The following COP1 variants were observed in gnomAD, a reference collection of about 807,000 sequenced individuals.
COP1 encodes the protein COP1 E3 ubiquitin ligase.
COP1 carries 24 observed loss-of-function variants against 101.3 expected under a neutral mutation model. That is an observed-to-expected ratio of 0.24 (90% confidence interval 0.17 to 0.33). The LOEUF (loss-of-function observed/expected upper bound fraction) is 0.33, where lower values mean the gene tolerates loss of function less well. Ranked by LOEUF, COP1 falls within the 10% of genes least tolerant of loss-of-function variation. The pLI, the probability that COP1 is intolerant of heterozygous loss-of-function variation, is 1.00. For synonymous variants in COP1, 347 were observed against 341.9 expected (o/e 1.01, Z -0.17); for missense variants, 663 against 906.2 (o/e 0.73, Z 3.45).
chr1:175,982,617 G>A (rs999478187), intron 18 of COP1, among the ~76,000 whole-genome samples: 3 of 152,154 alleles, frequency 2.0e-5, no homozygotes, highest in Non-Finnish European at 4.4e-5. Context: ...TAGTAGTTAA[G>A]CTTTTGAGTC....
chr1:176,005,704 G>A (rs372536306), intron 15 of COP1, among the ~76,000 whole-genome samples: 4 of 151,898 alleles, frequency 2.6e-5, no homozygotes, highest in Admixed American at 2.0e-4. Context: ...TGATTGCACT[G>A]TGGTATGAGA....
At chr1:176,094,511 A>G (rs939117027) in intron 9 of COP1, among the ~76,000 whole-genome samples, 11 of 152,112 alleles carry the variant, frequency 7.2e-5, no homozygotes, top group Admixed American at 6.5e-4. Flanking sequence ...ACCTAGAGGT[A>G]GATATAAATA....
At chr1:176,041,973 A>G (rs1670630020) in intron 14 of COP1, among the ~76,000 whole-genome samples, 2 of 152,230 alleles carry the variant, frequency 1.3e-5, no homozygotes, top group South Asian at 4.1e-4. Context: ...TTAGCCGGAC[A>G]TGGTGGCACG....
chr1:176,175,334 TCTACATCAGCA>T (rs1696772567), intron 3 of COP1, among the ~76,000 whole-genome samples: 7 of 152,212 alleles, frequency 4.6e-5, no homozygotes, highest in Admixed American at 4.6e-4. Flanking sequence ...CAGTCTGTCA[TCTACATCAGCA>T]GTCCCCAACC....
At chr1:176,182,378 T>C (rs1373603446) in intron 2 of COP1, among the ~76,000 whole-genome samples, 2 of 152,208 alleles carry the variant, frequency 1.3e-5, no homozygotes, top group Admixed American at 1.3e-4. Context: ...CTTGTTCTTT[T>C]AGCGCTAGAT....
intron 14 of COP1, among the ~76,000 whole-genome samples, chr1:176,033,552 A>T (rs992541907): frequency 5.3e-5 from 8 of 152,212 alleles, no homozygotes; most frequent in African/African-American, 1.9e-4. Flanking sequence ...GAATGTGTTT[A>T]ATTCAAAGGC....
At chr1:176,019,149 G>A (rs1381356302) in intron 15 of COP1, among the ~76,000 whole-genome samples, 7 of 151,106 alleles carry the variant, frequency 4.6e-5, no homozygotes, top group Non-Finnish European at 1.5e-5. Context: ...TTGGGCAACA[G>A]AGCGAGAATA....
chr1:176,108,518 T>G (rs1446599688), intron 9 of COP1, among the ~76,000 whole-genome samples: 3 of 152,116 alleles, frequency 2.0e-5, no homozygotes, highest in Non-Finnish European at 4.4e-5. Flanking sequence ...CCAAATTATC[T>G]TCCTGGACGA....
At chr1:176,093,590 A>G (rs1346320798) in intron 9 of COP1, among the ~76,000 whole-genome samples, 1 of 152,190 alleles carries the variant, frequency 6.6e-6, no homozygotes, top group Non-Finnish European at 1.5e-5. Flanking sequence ...CTGTAATCCC[A>G]GCACTTTGGG....
intron 18 of COP1, among the ~76,000 whole-genome samples, chr1:175,956,674 T>C (rs1571243810): frequency 1.3e-5 from 2 of 152,222 alleles, no homozygotes; most frequent in African/African-American, 4.8e-5. Context: ...CACTGCACAA[T>C]GACATTTTGG....
intron 15 of COP1, among the ~76,000 whole-genome samples, chr1:176,019,152 C>A (rs192158562): frequency 1.3e-5 from 2 of 150,474 alleles, no homozygotes; most frequent in Non-Finnish European, 3.0e-5. Context: ...GGCAACAGAG[C>A]GAGAATAGAC....
rs1237666737 is a variant in COP1 at position 176,202,187 on chromosome 1, T to C, written c.407+4385A>G. 1.5e-4 allele frequency among the ~76,000 whole-genome samples: 3 copies of C among 20,452 alleles called. No individual in the cohort carries two copies. The East Asian group carries it at 9.0e-3, about 62-fold the overall frequency. The allele number at this position is 20,452 out of a possible 152,430, so 13.4% of individuals were successfully genotyped here. On this transcript the variant is annotated intron_variant, in intron 1 of 19. Transcript: ENST00000367669. Reference sequence around the variant, plus strand: ...ATTCTATGATACGTTCTAGTTCACTTTTTTTTTTTTTTTTTTTTTGGAGAC... The same window carrying C: ...ATTCTATGATACGTTCTAGTTCACTCTTTTTTTTTTTTTTTTTTTGGAGAC...
At chr1:175,969,600 C>T (rs1331610658) in intron 18 of COP1, among the ~76,000 whole-genome samples, 5 of 152,170 alleles carry the variant, frequency 3.3e-5, no homozygotes, top group African/African-American at 1.2e-4. Flanking sequence ...CTTCATCAAA[C>T]CTAAGCATAA....
intron 15 of COP1, among the ~76,000 whole-genome samples, chr1:176,012,147 G>T (rs1664797333): frequency 6.6e-6 from 1 of 152,214 alleles, no homozygotes. Flanking sequence ...CTGTGCCTAT[G>T]AATAGCCACT....
Position 176,089,738 on chromosome 1 carries a change from C to T in COP1, c.1027-3848G>A, listed in dbSNP as rs187556378. ...GGAGACTGCAGTCATGCCCTACAAA[C>T]GATAAAATCTCATCAGATGGGTTTT... is the stretch of plus-strand genomic sequence containing the variant. On this transcript the variant is annotated intron_variant, in intron 9 of 19. Transcript: ENST00000367669. Among the ~76,000 whole-genome samples, 10 of 152,250 alleles carry T rather than the reference C, an allele frequency of 6.6e-5. No individual in the cohort carries two copies. The South Asian group carries it at 8.3e-4, about 13-fold the overall frequency.
At chr1:176,079,722 C>G (rs1164405085) in intron 11 of COP1, among the ~76,000 whole-genome samples, 1 of 151,338 alleles carries the variant, frequency 6.6e-6, no homozygotes, top group Non-Finnish European at 1.5e-5. Context: ...AATACTTAAG[C>G]AAAAAATAAT....
At chr1:175,972,655 G>A (rs982781785) in intron 18 of COP1, among the ~76,000 whole-genome samples, 2 of 151,484 alleles carry the variant, frequency 1.3e-5, no homozygotes, top group African/African-American at 2.4e-5. Flanking sequence ...TAGTAGAGAC[G>A]GGGTTTCACC....
intron 18 of COP1, among the ~76,000 whole-genome samples, chr1:175,972,434 G>C (rs1490069946): frequency 6.6e-6 from 1 of 151,350 alleles, no homozygotes; most frequent in Non-Finnish European, 1.5e-5. Flanking sequence ...CTGAGGCCCA[G>C]AGAGCAGCAA....
At chr1:176,049,178 C>CAAAAAAAAAA (rs61267982) in intron 11 of COP1, among the ~76,000 whole-genome samples, 1,320 of 118,094 alleles carry the variant, frequency 0.011, 20 homozygotes, top group Non-Finnish European at 0.018. Context: ...GACTCCGTCT[C>CAAAAAAAAAA]AAAAAAAAAA....
Sources: allele counts gnomAD v4.1 joint callset (sites outside exome capture counted in the v4.1 genomes callset), GRCh38; gene constraint gnomAD v4.1.1; transcripts MANE v1.5; gene names NCBI Gene and HGNC (gene_info 2026-07-23, HGNC 2026-07-21).